IQSEC1: variants seen among roughly 807,000 people sequenced by gnomAD.
IQSEC1 encodes the protein IQ motif and Sec7 domain ArfGEF 1.
Under a neutral mutation model 91.0 loss-of-function variants are expected in IQSEC1, and 31 were observed. The observed-to-expected ratio is 0.34, with a 90% CI of 0.26 to 0.46. IQSEC1 has a LOEUF of 0.46. Ranked by LOEUF, IQSEC1 falls within the 20% of genes least tolerant of loss-of-function variation. The probability of loss-of-function intolerance (pLI) is 1.00; values close to 1 mark genes in which losing one functional copy is unlikely to be tolerated. For missense variants in IQSEC1, 1,388 were observed against 1,575.6 expected (o/e 0.88, Z 2.02); for synonymous variants, 699 against 662.6 (o/e 1.05, Z -0.84).
At chr3:13,235,513 T>G (rs73033212) in intron 1 of IQSEC1, among the ~76,000 whole-genome samples, 19,616 of 151,782 alleles carry the variant, frequency 0.13, 1,422 homozygotes, top group South Asian at 0.26. Context: ...GTTGGGGGAG[T>G]GGGAGCACCT....
chr3:13,034,110 G>T (rs369358175), intron 1 of IQSEC1, among the ~76,000 whole-genome samples: 2 of 152,156 alleles, frequency 1.3e-5, no homozygotes, highest in African/African-American at 4.8e-5. Context: ...GGGTTACGAC[G>T]TCAGCATGTG....
intron 1 of IQSEC1, among the ~76,000 whole-genome samples, chr3:13,016,821 A>G (rs142278959): frequency 3.7e-4 from 57 of 152,330 alleles, no homozygotes; most frequent in African/African-American, 1.3e-3. Context: ...TATTAATAGT[A>G]TATTCCCAGA....
intron 1 of IQSEC1, among the ~76,000 whole-genome samples, chr3:13,001,176 G>T (rs1482731255): frequency 6.6e-6 from 1 of 151,930 alleles, no homozygotes; most frequent in Admixed American, 6.6e-5. Flanking sequence ...GGCCAGGCTG[G>T]TCTCGAACTC....
rs1696525614 is a variant in IQSEC1, at chr3:12,920,494, C to T, written c.1956G>A (p.Met652Ile). Residue 652 changes from methionine (M) to isoleucine (I), a missense_variant, in exon 6 of 14, where the codon ATG becomes ATA. Met to Ile is a conservative substitution (Grantham distance 10). Around this residue, in one of 2 missense-constraint regions of IQSEC1, gnomAD observed 1,059 missense variants for 1,317.8 expected, o/e 0.80. Coordinates refer to ENST00000613206, the MANE Select transcript of IQSEC1 (RefSeq NM_001134382.3). ...AFAIILLNTD[M>I]YSPNVKPERK... ...GCTCGGGCTTGACATTGGGGCTGTACATGTCGGTGTTCAGCAGGATGATGG... is the reference window on the plus strand; with the variant it reads ...GCTCGGGCTTGACATTGGGGCTGTATATGTCGGTGTTCAGCAGGATGATGG... 2.5e-6 allele frequency: 4 copies of T among 1,614,220 alleles called. No individual in the cohort carries two copies. The highest frequency in any genetic ancestry group is 1.1e-5 in the South Asian group (1 of 91,090).
intron 1 of IQSEC1, among the ~76,000 whole-genome samples, chr3:13,044,101 A>C (rs1283489907): frequency 6.6e-6 from 1 of 152,064 alleles, no homozygotes; most frequent in Non-Finnish European, 1.5e-5. Flanking sequence ...GCCTGATCTC[A>C]CCCCATGCAA....
chr3:13,203,943 A>G (rs1694292421), intron 1 of IQSEC1, among the ~76,000 whole-genome samples: 1 of 152,078 alleles, frequency 6.6e-6, no homozygotes, highest in South Asian at 2.1e-4. Flanking sequence ...CCAGGCTGGG[A>G]CTCGGCTTTC....
chr3:13,201,142 C>G (rs1694237468), intron 1 of IQSEC1, among the ~76,000 whole-genome samples: 1 of 152,204 alleles, frequency 6.6e-6, no homozygotes, highest in Non-Finnish European at 1.5e-5. Context: ...GCAGGGGGAG[C>G]TGGTGGTCCT....
At chr3:13,090,457 T>C (rs1024902168) in intron 2 of IQSEC1, among the ~76,000 whole-genome samples, 6 of 152,154 alleles carry the variant, frequency 3.9e-5, no homozygotes, top group African/African-American at 1.4e-4. Context: ...AAGGTGCTGC[T>C]CCCCAGTGAG....
At chr3:13,138,758 C>T (rs1706752247) in intron 2 of IQSEC1, among the ~76,000 whole-genome samples, 1 of 152,008 alleles carries the variant, frequency 6.6e-6, no homozygotes, top group African/African-American at 2.4e-5. Flanking sequence ...GTATTCCTTC[C>T]ACTCCCTTTG....
At chr3:12,913,377 G>A (rs1466512070) in intron 9 of IQSEC1, 51 bp downstream of exon 9, 2 of 1,533,302 alleles carry the variant, frequency 1.3e-6, no homozygotes, top group Non-Finnish European at 1.8e-6. Flanking sequence ...CATGGACCCT[G>A]GGCTCAGGCT....
intron 2 of IQSEC1, among the ~76,000 whole-genome samples, chr3:13,116,155 G>A (rs997841129): frequency 6.6e-6 from 1 of 152,230 alleles, no homozygotes; most frequent in Non-Finnish European, 1.5e-5. Context: ...CCAGCTCCCT[G>A]AGGGCAGTCA....
chr3:12,952,281 C>A (rs889504864), intron 1 of IQSEC1, among the ~76,000 whole-genome samples: 1 of 152,178 alleles, frequency 6.6e-6, no homozygotes, highest in Non-Finnish European at 1.5e-5. Flanking sequence ...GAGCTTCCTA[C>A]ACCAGGCCAG....
At chr3:13,090,531 C>A (rs766904723) in intron 2 of IQSEC1, among the ~76,000 whole-genome samples, 1 of 152,196 alleles carries the variant, frequency 6.6e-6, no homozygotes, top group East Asian at 1.9e-4. Context: ...GTGCCACCCA[C>A]TGGCTGCAAG....
chr3:13,201,321 C>T (rs1682075743), intron 1 of IQSEC1, among the ~76,000 whole-genome samples: 1 of 152,114 alleles, frequency 6.6e-6, no homozygotes, highest in Non-Finnish European at 1.5e-5. Context: ...TTGGGAAAGG[C>T]TGATTTAACA....
chr3:13,172,872 C>A (rs1187345013), intron 1 of IQSEC1, among the ~76,000 whole-genome samples: 1 of 152,152 alleles, frequency 6.6e-6, no homozygotes, highest in East Asian at 1.9e-4. Context: ...CTCAGTGTTC[C>A]CCCCTGTGCC....
At chr3:13,199,603 G>A (rs532004948) in intron 1 of IQSEC1, among the ~76,000 whole-genome samples, 6 of 152,210 alleles carry the variant, frequency 3.9e-5, no homozygotes, top group Admixed American at 2.6e-4. Flanking sequence ...CCAGCCCCGC[G>A]ACCCTCCTTC....
chr3:13,180,176 T>G (rs943064337), intron 1 of IQSEC1, among the ~76,000 whole-genome samples: 2 of 152,246 alleles, frequency 1.3e-5, no homozygotes, highest in Admixed American at 1.3e-4. Flanking sequence ...CCTGCTGGGC[T>G]CCTGAGTCTG....
rs368001224 is a variant in IQSEC1, at chr3:13,256,781, C to T, written c.272+25930G>A. 5.9e-5 allele frequency among the ~76,000 whole-genome samples: 9 copies of T among 152,262 alleles called. No homozygotes were observed. In the East Asian group the frequency reaches 9.7e-4, roughly 16 times the overall value. ...ACTGGAGGACCCGTCAGGTGGCAAA[C>T]ACCATGGAGAGACGCAAAGCACGAG... On this transcript the variant is annotated intron_variant, in intron 1 of 15. Transcript: ENST00000648114.
At chr3:13,244,958 C>T (rs1695083944) in intron 1 of IQSEC1, among the ~76,000 whole-genome samples, 1 of 152,214 alleles carries the variant, frequency 6.6e-6, no homozygotes, top group South Asian at 2.1e-4. Flanking sequence ...TCAATGGAGG[C>T]ACGCAAATGG....
Sources: allele counts gnomAD v4.1 joint callset (sites outside exome capture counted in the v4.1 genomes callset), GRCh38; gene constraint gnomAD v4.1.1; regional missense constraint gnomAD v4.1.1; transcripts MANE v1.5; gene names NCBI Gene and HGNC (gene_info 2026-07-23, HGNC 2026-07-21).